The following LGALS9B variants were observed in gnomAD, a reference collection of about 807,000 sequenced individuals.
The protein encoded by LGALS9B is galectin 9B.
A neutral mutation model predicts 35.9 loss-of-function variants in LGALS9B; 8 were observed. The ratio of observed to expected loss-of-function variants is 0.22; its 90% CI spans 0.13 to 0.40. LGALS9B has a LOEUF of 0.40. Among genes scored for constraint, LGALS9B ranks in the 10% least tolerant of loss-of-function variants. The pLI is 1.00. For synonymous variants in LGALS9B, 42 were observed against 148.6 expected, an observed-to-expected ratio of 0.28 and a Z score of 5.22; for missense variants, 101 against 397.9, an observed-to-expected ratio of 0.25 and a Z score of 6.35.
chr17:20,451,929 C>A (rs754777938), intron 8 of LGALS9B, 46 bp from the exon 9 acceptor site: 1 of 1,359,690 alleles, frequency 7.4e-7, no homozygotes, highest in South Asian at 1.2e-5. Context: ...GCCAGGGCAG[C>A]CGCCACATGG....
intron 1 of LGALS9B, among the ~76,000 whole-genome samples, chr17:20,465,901 A>T (rs1011624691): frequency 6.7e-6 from 1 of 150,020 alleles, no homozygotes; most frequent in Non-Finnish European, 1.5e-5. Flanking sequence ...CCCGTAGGGT[A>T]GAGGGGAGCT....
At chr17:20,453,139 CCACA>C in intron 6 of LGALS9B, 72 bp from the exon 7 acceptor site, 4 of 1,165,790 alleles carry the variant, frequency 3.4e-6, no homozygotes, top group Non-Finnish European at 3.8e-6. Context: ...CCAGAGGGTG[CCACA>C]CGGCAGGCAC....
intron 1 of LGALS9B, 101 bp downstream of exon 1, chr17:20,467,331 C>T (rs576176577): frequency 4.9e-5 from 52 of 1,055,274 alleles, no homozygotes; most frequent in African/African-American, 4.7e-4. Flanking sequence ...TTTGGGATGC[C>T]CCCACCCCTG....
intron 1 of LGALS9B, among the ~76,000 whole-genome samples, chr17:20,464,432 G>T (rs2142427584): frequency 6.6e-6 from 1 of 150,976 alleles, no homozygotes; most frequent in East Asian, 2.0e-4. Flanking sequence ...GGCAGGAGGG[G>T]TCATAAGCCA....
intron 5 of LGALS9B, among the ~76,000 whole-genome samples, chr17:20,454,483 C>T (rs2042671733): frequency 6.6e-6 from 1 of 152,138 alleles, no homozygotes; most frequent in South Asian, 2.1e-4. Context: ...AGGCACTGTG[C>T]AAATGAACGA....
chr17:20,451,697 C>G, intron 9 of LGALS9B, 54 bp from the exon 10 acceptor site: 4 of 1,437,096 alleles, frequency 2.8e-6, no homozygotes. Flanking sequence ...AGCCCCATTT[C>G]CTCCCCATCA....
chr17:20,466,176 C>G (rs1196449852), intron 1 of LGALS9B, among the ~76,000 whole-genome samples: 2 of 151,918 alleles, frequency 1.3e-5, no homozygotes, highest in Non-Finnish European at 2.9e-5. Flanking sequence ...ACCGGCAGCC[C>G]GTTCCAGCTT....
At chr17:20,455,724 T>A in intron 4 of LGALS9B, among the ~76,000 whole-genome samples, 1 of 151,040 alleles carries the variant, frequency 6.6e-6, no homozygotes, top group Admixed American at 6.6e-5. Context: ...GGGAGCTCCC[T>A]CGAATGCCAA....
At chr17:20,459,348 G>T (rs543434879) in intron 2 of LGALS9B, among the ~76,000 whole-genome samples, 2 of 143,788 alleles carry the variant, frequency 1.4e-5, no homozygotes, top group East Asian at 2.0e-4. Context: ...GGTGCTGGGA[G>T]GTGGGGGAAA....
intron 1 of LGALS9B, among the ~76,000 whole-genome samples, chr17:20,464,915 T>C (rs902201845): frequency 6.6e-6 from 1 of 152,200 alleles, no homozygotes; most frequent in African/African-American, 2.4e-5. Context: ...TGGAATGCCA[T>C]GTGCTGAGTC....
intron 8 of LGALS9B, 143 bp from the exon 9 acceptor site, chr17:20,452,026 A>G: frequency 3.0e-6 from 4 of 1,314,304 alleles, no homozygotes; most frequent in Non-Finnish European, 4.2e-6. Context: ...CATAAAAGCC[A>G]AAGGAAAACT....
intron 1 of LGALS9B, among the ~76,000 whole-genome samples, chr17:20,464,990 G>A (rs1314052736): frequency 6.6e-6 from 1 of 152,194 alleles, no homozygotes; most frequent in Admixed American, 6.5e-5. Flanking sequence ...GGCCCATGTC[G>A]GCCTTGACAG....
chr17:20,455,820 G>C lies in LGALS9B; in HGVS notation c.445-422C>G, dbSNP rs879311923. Reference sequence around the variant, plus strand: ...CCCTAATCTTCCCATTTTTCACGTGGTGTTGGTATCTCCTGACCTTCTTTA... The same window carrying C: ...CCCTAATCTTCCCATTTTTCACGTGCTGTTGGTATCTCCTGACCTTCTTTA... On this transcript the variant is annotated intron_variant, in intron 4 of 10. Transcript: ENST00000423676. 2.5e-3 allele frequency among the ~76,000 whole-genome samples: 379 copies of C among 149,318 alleles called. 2 individuals are homozygous for C. The highest frequency in any genetic ancestry group is 7.1e-3 in the Middle Eastern group (2 of 282).
rs2042653237 is a variant in LGALS9B, at chr17:20,451,998, G to A, written c.673-115C>T. 6.3e-6 allele frequency: 9 copies of A among 1,420,082 alleles called. 1 individual carries two copies. Among genetic ancestry groups the A allele is most frequent in the Non-Finnish European group, 8.7e-6 (9 of 1,029,348 alleles). The allele number at this position is 1,420,082 out of a possible 1,614,324, so 88.0% of individuals were successfully genotyped here. A position where few individuals can be genotyped will look rare whatever the true frequency, so the allele number is the denominator to read the frequency against. On this transcript the variant is annotated intron_variant, in intron 8 of 10. Transcript: ENST00000423676. Reference sequence around the variant, plus strand: ...GGCTGTCAGCTGAGAAGAAGCCCACGATATCTTTACTTGGTTCCATAAAAG... The same window carrying A: ...GGCTGTCAGCTGAGAAGAAGCCCACAATATCTTTACTTGGTTCCATAAAAG...
At chr17:20,467,086 T>A (rs924527570) in intron 1 of LGALS9B, among the ~76,000 whole-genome samples, 2 of 143,370 alleles carry the variant, frequency 1.4e-5, no homozygotes, top group Admixed American at 7.0e-5. Flanking sequence ...CACCCTTAAC[T>A]ACCATGCCGG....
chr17:20,458,225 C>T lies in LGALS9B; in HGVS notation c.291G>A (p.Met97Ile). The T allele has an allele frequency of 6.2e-7, 1 of 1,613,528 alleles. No homozygotes were observed. Among genetic ancestry groups the T allele is most frequent in the Admixed American group, 1.7e-5 (1 of 59,958 alleles). Residue 97 changes from methionine (M) to isoleucine (I), a missense_variant, in exon 3 of 11, where the codon ATG becomes ATA. Met to Ile is a conservative substitution (Grantham distance 10, BLOSUM62 1). Coordinates refer to ENST00000423676, the MANE Select transcript of LGALS9B (RefSeq NM_001367292.2). ...GCACCAGGAAGCAGAGGTCAAAGGG[C>T]ATCCCCTTCTGGAAGGGCATGTGCA... ...RKMHMPFQKG[M>I]PFDLCFLVQS...
At chr17:20,464,264 A>AATT (rs973177121) in intron 1 of LGALS9B, among the ~76,000 whole-genome samples, 15 of 149,274 alleles carry the variant, frequency 1.0e-4, no homozygotes, top group African/African-American at 3.7e-4. Flanking sequence ...ATGCCTGGCT[A>AATT]ATTTTTGTCT....
Position 20,449,875 on chromosome 17 carries a change from C to T in LGALS9B, c.*98G>A, listed in dbSNP as rs2042634516. 3 of 682,978 alleles carry T rather than the reference C, an allele frequency of 4.4e-6. No individual in the cohort carries two copies. The African/African-American group carries it at 6.7e-5, about 15-fold the overall frequency. 42.3% of individuals were successfully genotyped at this position (682,978 alleles called of 1,614,324 possible). ...GGCCTCTGCATTAAAGCCCAGATCCCAGGCACGGTTGGAAAGGCTGGGCCT... is the reference window on the plus strand; with the variant it reads ...GGCCTCTGCATTAAAGCCCAGATCCTAGGCACGGTTGGAAAGGCTGGGCCT... On this transcript the variant is annotated 3_prime_UTR_variant, in exon 11 of 11. Coordinates refer to ENST00000423676, the MANE Select transcript of LGALS9B (RefSeq NM_001367292.2).
rs1197780214 is a variant in LGALS9B at position 20,449,436 on chromosome 17, C to T, written c.*537G>A. 2 of 153,248 alleles carry T rather than the reference C, an allele frequency of 1.3e-5. No homozygotes were observed. Among genetic ancestry groups the T allele is most frequent in the South Asian group, 2.0e-4 (1 of 4,994 alleles). 9.5% of individuals were successfully genotyped at this position (153,248 alleles called of 1,614,324 possible). On this transcript the variant is annotated 3_prime_UTR_variant, in exon 11 of 11. Transcript: ENST00000423676. ...CATTTTCATTTCTTTATTTTAAGGA[C>T]ACTGGGAAAGGAGCCAGTCCCCTGA...
Sources: gnomAD v4.1 joint callset for allele counts (sites outside exome capture counted in the v4.1 genomes callset) on GRCh38, gnomAD v4.1.1 for gene constraint, MANE v1.5 for transcripts, NCBI Gene and HGNC (gene_info 2026-07-23, HGNC 2026-07-21) for gene names.